IQCM: variants seen among roughly 807,000 people sequenced by gnomAD.
The protein encoded by IQCM is IQ domain-containing protein M.
Under a neutral mutation model 57.6 loss-of-function variants are expected in IQCM, and 45 were observed. The ratio of observed to expected loss-of-function variants is 0.78; its 90% CI spans 0.62 to 1.00. The LOEUF (loss-of-function observed/expected upper bound fraction) is 1.00. Among genes scored for constraint, IQCM ranks in the 50% least tolerant of loss-of-function variants. The pLI is 0.00. For synonymous variants in IQCM, 148 were observed against 158.9 expected, an observed-to-expected ratio of 0.93 and a Z score of 0.51; for missense variants, 468 against 511.6, an observed-to-expected ratio of 0.91 and a Z score of 0.82.
At chr4:149,360,146 C>G (rs1312465836) in intron 13 of IQCM, among the ~76,000 whole-genome samples, 1 of 152,044 alleles carries the variant, frequency 6.6e-6, no homozygotes, top group East Asian at 1.9e-4. Context: ...AAATACAGTT[C>G]TAGATGGCAA....
At chr4:149,427,031 G>A (rs1445176564) in intron 13 of IQCM, among the ~76,000 whole-genome samples, 19 of 151,614 alleles carry the variant, frequency 1.3e-4, no homozygotes, top group Non-Finnish European at 4.4e-5. Flanking sequence ...CAGATTTGTG[G>A]GTTTTATTTC....
At chr4:149,438,115 CA>C (rs1735545454) in intron 12 of IQCM, among the ~76,000 whole-genome samples, 1 of 151,916 alleles carries the variant, frequency 6.6e-6, no homozygotes, top group South Asian at 2.1e-4. Flanking sequence ...TTACTGAAGT[CA>C]ATTTTTAACA....
At chr4:149,531,246 G>A (rs1746720059) in intron 12 of IQCM, among the ~76,000 whole-genome samples, 1 of 152,068 alleles carries the variant, frequency 6.6e-6, no homozygotes, top group Non-Finnish European at 1.5e-5. Context: ...AGTGACATGA[G>A]TTTTACCTCT....
At chr4:149,744,141 G>A (rs960681379) in intron 2 of IQCM, among the ~76,000 whole-genome samples, 15 of 152,172 alleles carry the variant, frequency 9.9e-5, no homozygotes, top group Non-Finnish European at 2.1e-4. Context: ...TACCCAGAGC[G>A]GGGAAAATAC....
intron 2 of IQCM, among the ~76,000 whole-genome samples, chr4:149,771,795 A>G (rs1348672903): frequency 5.9e-5 from 9 of 152,168 alleles, no homozygotes. Flanking sequence ...ATAATGAATT[A>G]TCATGACAAT....
chr4:149,733,616 A>G (rs1766666895), intron 4 of IQCM, 108 bp from the exon 5 acceptor site: 1 of 504,422 alleles, frequency 2.0e-6, no homozygotes, highest in African/African-American at 2.0e-5. Context: ...CCTCTAGTAC[A>G]TACATTTTAC....
intron 12 of IQCM, among the ~76,000 whole-genome samples, chr4:149,529,827 C>T (rs1746553287): frequency 6.6e-6 from 1 of 152,124 alleles, no homozygotes; most frequent in Admixed American, 6.5e-5. Flanking sequence ...ACATGAAAGT[C>T]ATGCCACTCT....
rs188587576 is a variant in IQCM, at chr4:149,448,082, G to A, written c.1229-14525C>T. On this transcript the variant is annotated intron_variant, in intron 12 of 13. Coordinates refer to ENST00000636793, the MANE Select transcript of IQCM (RefSeq NM_001363507.2). ...AAACAACAACATAATACACATTCTC[G>A]TCAATTGTACACAGAACATGTTCCA... Among the ~76,000 whole-genome samples, 619 of 151,666 alleles carry A rather than the reference G, an allele frequency of 4.1e-3. 9 individuals carry two copies. The highest frequency in any genetic ancestry group is 0.015 in the South Asian group (74 of 4,822).
chr4:149,623,437 T>C (rs1025961203), intron 7 of IQCM, among the ~76,000 whole-genome samples: 1 of 152,208 alleles, frequency 6.6e-6, no homozygotes, highest in African/African-American at 2.4e-5. Flanking sequence ...CTAGAAAATA[T>C]AGCTATAACT....
chr4:149,370,027 C>T (rs1730254505), intron 13 of IQCM, among the ~76,000 whole-genome samples: 1 of 152,130 alleles, frequency 6.6e-6, no homozygotes, highest in South Asian at 2.1e-4. Context: ...TCCCAGGTAG[C>T]TGGGACTACA....
intron 7 of IQCM, among the ~76,000 whole-genome samples, chr4:149,659,220 A>G (rs946442096): frequency 2.0e-5 from 3 of 151,996 alleles, no homozygotes; most frequent in Non-Finnish European, 4.4e-5. Context: ...TCATGAGTGA[A>G]CTCCCATTCA....
chr4:149,406,123 A>G (rs185475345), intron 13 of IQCM, among the ~76,000 whole-genome samples: 8 of 152,032 alleles, frequency 5.3e-5, no homozygotes, highest in Admixed American at 3.3e-4. Flanking sequence ...TGAAGAAAAT[A>G]TCATTCCCAT....
intron 5 of IQCM, among the ~76,000 whole-genome samples, chr4:149,690,127 C>G (rs1762841288): frequency 6.6e-6 from 1 of 152,106 alleles, no homozygotes; most frequent in South Asian, 2.1e-4. Flanking sequence ...TTTATAGCAG[C>G]ACAATTCACA....
chr4:149,610,468 C>G lies in IQCM; in HGVS notation c.681+10661G>C, dbSNP rs190395844. Among the ~76,000 whole-genome samples, 74 of 152,088 alleles carry G rather than the reference C, an allele frequency of 4.9e-4. No individual in the cohort carries two copies. In the East Asian group the frequency reaches 5.0e-3, roughly 10 times the overall value. On this transcript the variant is annotated intron_variant, in intron 8 of 13. Coordinates refer to ENST00000636793, the MANE Select transcript of IQCM (RefSeq NM_001363507.2). ...CTGGAGGCATTGCATTACCTGACTT[C>G]AAATTATACTATAAAGCTATGGTAA...
chr4:149,666,098 G>T (rs1428641678), intron 7 of IQCM: 1 of 152,318 alleles, frequency 6.6e-6, no homozygotes, highest in African/African-American at 2.4e-5. Context: ...ACTTCACCTT[G>T]TGTGAGTCAA....
chr4:149,524,685 CAG>C (rs1291700627), intron 12 of IQCM, among the ~76,000 whole-genome samples: 2 of 151,210 alleles, frequency 1.3e-5, no homozygotes, highest in African/African-American at 4.8e-5. Flanking sequence ...CAAAAGAAAA[CAG>C]AAAATAAAAG....
chr4:149,657,057 C>T lies in IQCM; in HGVS notation c.565+25061G>A, dbSNP rs189039766. ...TCTAGCTATTTTGTAATATACAATA[C>T]CTTACTGTTAACCATCATCACCCTA... On this transcript the variant is annotated intron_variant, in intron 7 of 13. Coordinates refer to ENST00000636793, the MANE Select transcript of IQCM (RefSeq NM_001363507.2). Among the ~76,000 whole-genome samples the T allele has an allele frequency of 5.5e-4, 83 of 152,202 alleles. 3 individuals are homozygous for T. The highest frequency in any genetic ancestry group is 1.9e-3 in the African/African-American group (79 of 41,554).
chr4:149,614,636 C>T (rs971446275), intron 8 of IQCM, among the ~76,000 whole-genome samples: 6 of 149,874 alleles, frequency 4.0e-5, no homozygotes, highest in African/African-American at 1.5e-4. Flanking sequence ...CATGGGTGTC[C>T]AGTTTTTTGG....
At chr4:149,607,167 GA>G (rs898187593) in intron 8 of IQCM, among the ~76,000 whole-genome samples, 9 of 150,470 alleles carry the variant, frequency 6.0e-5, no homozygotes, top group African/African-American at 1.7e-4. Flanking sequence ...ATCAGTAAAA[GA>G]AAAAAAAAGC....
Sources: gnomAD v4.1 joint callset for allele counts (sites outside exome capture counted in the v4.1 genomes callset) on GRCh38, gnomAD v4.1.1 for gene constraint, MANE v1.5 for transcripts, NCBI Gene and HGNC (gene_info 2026-07-23, HGNC 2026-07-21) for gene names.